The following MRC1 variants were observed in gnomAD, a reference collection of about 807,000 sequenced individuals.
MRC1 encodes the protein mannose receptor C-type 1, also known as macrophage mannose receptor 1.
In MRC1, 62 loss-of-function variants were observed where a neutral mutation model predicts 102.9. That is an observed-to-expected ratio of 0.60 (90% CI 0.49 to 0.74). MRC1 has a LOEUF of 0.74. MRC1 is among the 30% of genes least tolerant of loss of function. The probability of loss-of-function intolerance (pLI) is 0.00; values close to 1 mark genes in which losing one functional copy is unlikely to be tolerated. For missense variants in MRC1, 1,237 were observed against 862.8 expected (o/e 1.43, Z -5.43); for synonymous variants, 457 against 298.4 (o/e 1.53, Z -5.48).
chr10:17,855,104 G>A (rs1833062856), intron 8 of MRC1, among the ~76,000 whole-genome samples: 1 of 152,202 alleles, frequency 6.6e-6, no homozygotes, highest in Non-Finnish European at 1.5e-5. Context: ...AAAGTGGAAG[G>A]TTGAGCCTCA....
At chr10:17,830,561 C>T (rs1401774771) in intron 3 of MRC1, among the ~76,000 whole-genome samples, 1 of 151,256 alleles carries the variant, frequency 6.6e-6, no homozygotes, top group African/African-American at 2.5e-5. Context: ...GTAATGCTTT[C>T]CTTCCATGTA....
At chr10:17,814,467 G>A (rs77901979) in intron 1 of MRC1, among the ~76,000 whole-genome samples, 82,816 of 151,626 alleles carry the variant, frequency 0.55, 23,523 homozygotes, top group African/African-American at 0.7. Context: ...AGAAATTCAC[G>A]GTAGCTTTAC....
chr10:17,813,700 A>ATATATATATT (rs1401200082), intron 1 of MRC1, among the ~76,000 whole-genome samples: 3 of 125,702 alleles, frequency 2.4e-5, no homozygotes, highest in East Asian at 2.2e-4. Flanking sequence ...ATATATATAT[A>ATATATATATT]TTTTTTTTTT....
At chr10:17,813,059 A>G (rs1589160910) in intron 1 of MRC1, among the ~76,000 whole-genome samples, 2 of 152,298 alleles carry the variant, frequency 1.3e-5, no homozygotes, top group South Asian at 2.1e-4. Context: ...TAAAGCAAGA[A>G]CAAACTAGGA....
intron 23 of MRC1, among the ~76,000 whole-genome samples, chr10:17,895,056 T>C (rs1016743214): frequency 6.6e-6 from 1 of 152,014 alleles, no homozygotes; most frequent in Non-Finnish European, 1.5e-5. Context: ...TATTTTATTT[T>C]TGTAGCTGGG....
At position 17,810,470 on chromosome 10, in the gene MRC1, G is replaced by A. The variant is rs1043526140; in HGVS notation, c.61+944G>A. On this transcript the variant is annotated intron_variant, in intron 1 of 29. Coordinates refer to ENST00000569591, the MANE Select transcript of MRC1 (RefSeq NM_002438.4). ...AAGAGAGTGTTTTAGTACCGCAAATGTTAAATCATAAGTATTGAGTGGTAG... is the reference window on the plus strand; with the variant it reads ...AAGAGAGTGTTTTAGTACCGCAAATATTAAATCATAAGTATTGAGTGGTAG... Among the ~76,000 whole-genome samples, 3 of 152,170 alleles carry A rather than the reference G, an allele frequency of 2.0e-5. No individual in the cohort carries two copies. In the South Asian group the frequency reaches 6.2e-4, roughly 32 times the overall value.
intron 1 of MRC1, among the ~76,000 whole-genome samples, chr10:17,814,232 T>C (rs1337431600): frequency 6.6e-6 from 1 of 152,152 alleles, no homozygotes; most frequent in African/African-American, 2.4e-5. Flanking sequence ...CTTTAGACTC[T>C]GAGGCTAAGA....
intron 28 of MRC1, 23 bp downstream of exon 28, chr10:17,907,721 G>C (rs1400309447): frequency 3.8e-6 from 3 of 780,456 alleles, no homozygotes; most frequent in South Asian, 2.7e-5. Context: ...TTTGTTGCAT[G>C]GTGCATATCA....
At chr10:17,888,984 G>C (rs1385904490) in intron 22 of MRC1, among the ~76,000 whole-genome samples, 1 of 152,012 alleles carries the variant, frequency 6.6e-6, no homozygotes, top group Non-Finnish European at 1.5e-5. Flanking sequence ...GTTATGTCTT[G>C]GTGGAGAATT....
chr10:17,882,810 A>C (rs1454993905), intron 21 of MRC1, among the ~76,000 whole-genome samples: 1 of 152,116 alleles, frequency 6.6e-6, no homozygotes, highest in East Asian at 1.9e-4. Context: ...CAACTGGCCT[A>C]CCCCATTTTG....
chr10:17,892,163 CT>C (rs2130706601), intron 22 of MRC1, among the ~76,000 whole-genome samples: 1 of 152,280 alleles, frequency 6.6e-6, no homozygotes, highest in South Asian at 2.1e-4. Flanking sequence ...TTTAAAATGG[CT>C]CTTTTCCCAC....
intron 22 of MRC1, among the ~76,000 whole-genome samples, chr10:17,889,865 C>T (rs1389354648): frequency 1.3e-5 from 2 of 152,104 alleles, no homozygotes; most frequent in African/African-American, 4.8e-5. Flanking sequence ...TAGATGAATT[C>T]AGAATAAGGA....
chr10:17,892,401 C>A (rs1277835650), intron 22 of MRC1, among the ~76,000 whole-genome samples: 2 of 152,200 alleles, frequency 1.3e-5, no homozygotes, highest in African/African-American at 4.8e-5. Flanking sequence ...CCTTTTTCTG[C>A]TCCTGGGCTT....
rs201099760 is a variant in MRC1 at position 17,827,368 on chromosome 10, T to A, written c.464-174T>A. On this transcript the variant is annotated intron_variant, in intron 2 of 29. Transcript: ENST00000569591. ...AGGGTAGAAGGAGAAGGAAAAAAAA[T>A]ACCCAAAAAAAAAAAAAAAAAAAAA... Among the ~76,000 whole-genome samples the A allele has an allele frequency of 3.0e-3, 48 of 15,750 alleles. 1 individual carries two copies. Among genetic ancestry groups the A allele is most frequent in the African/African-American group, 8.2e-3 (34 of 4,170 alleles). 10.3% of individuals were successfully genotyped at this position (15,750 alleles called of 152,430 possible).
chr10:17,880,808 A>G (rs912484384), intron 20 of MRC1, 138 bp downstream of exon 20: 2 of 754,004 alleles, frequency 2.7e-6, no homozygotes, highest in Non-Finnish European at 4.9e-6. Flanking sequence ...TCGCGTGACA[A>G]ACTCTTTATG....
At chr10:17,865,092 C>T (rs1833245635) in intron 11 of MRC1, among the ~76,000 whole-genome samples, 1 of 152,172 alleles carries the variant, frequency 6.6e-6, no homozygotes, top group Non-Finnish European at 1.5e-5. Flanking sequence ...TTTAATATGA[C>T]AACACACAGA....
chr10:17,906,863 A>G, intron 26 of MRC1, 23 bp from the exon 27 acceptor site: 1 of 780,678 alleles, frequency 1.3e-6, no homozygotes, highest in Non-Finnish European at 2.4e-6. Flanking sequence ...CAGCTATCAT[A>G]TTTATCCTTT....
intron 4 of MRC1, among the ~76,000 whole-genome samples, chr10:17,836,837 A>AAAAT (rs1217031716): frequency 1.3e-5 from 2 of 152,120 alleles, no homozygotes; most frequent in Admixed American, 6.5e-5. Flanking sequence ...ACTCGTCTCA[A>AAAAT]AAATAAATAA....
At chr10:17,856,740 A>G (rs1488436428) in intron 9 of MRC1, among the ~76,000 whole-genome samples, 1 of 152,200 alleles carries the variant, frequency 6.6e-6, no homozygotes, top group South Asian at 2.1e-4. Flanking sequence ...GTTGTTAAGA[A>G]CATTTGCAGT....
Sources: gnomAD v4.1 joint callset for allele counts (sites outside exome capture counted in the v4.1 genomes callset) on GRCh38, gnomAD v4.1.1 for gene constraint, MANE v1.5 for transcripts, NCBI Gene and HGNC (gene_info 2026-07-23, HGNC 2026-07-21) for gene names.